Variants in RNF19B observed in about 807,000 individuals in gnomAD.
The protein encoded by RNF19B is ring finger protein 19B, also known as E3 ubiquitin-protein ligase RNF19B.
Under a neutral mutation model 65.5 loss-of-function variants are expected in RNF19B, and 23 were observed. The observed-to-expected ratio is 0.35, with a 90% CI of 0.25 to 0.50. RNF19B has a LOEUF of 0.50. Ranked by LOEUF, RNF19B falls within the 20% of genes least tolerant of loss-of-function variation. RNF19B has a pLI of 0.98. For synonymous variants in RNF19B, 372 were observed against 379.6 expected (o/e 0.98, Z 0.23); for missense variants, 794 against 980.0 (o/e 0.81, Z 2.53).
At chr1:32,937,299 T>A in intron 8 of RNF19B, 40 bp from the exon 9 acceptor site, 1 of 1,611,424 alleles carries the variant, frequency 6.2e-7, no homozygotes, top group Non-Finnish European at 8.5e-7. Context: ...CATGCATGGA[T>A]CATGCTAAAC....
At chr1:32,937,892 C>G (rs1009105021) in intron 8 of RNF19B, among the ~76,000 whole-genome samples, 6 of 151,842 alleles carry the variant, frequency 4.0e-5, no homozygotes, top group Non-Finnish European at 7.4e-5. Context: ...CTAGCTTACT[C>G]AAAATAGAAA....
At chr1:32,932,165 C>T (rs375961908), downstream of RNF19B, among the ~76,000 whole-genome samples, 2 of 152,306 alleles carry the variant, frequency 1.3e-5, no homozygotes, top group African/African-American at 4.8e-5. Context: ...GGCCTCCAGG[C>T]GATTCCCAGA....
intron 1 of RNF19B, 140 bp from the exon 2 acceptor site, chr1:32,949,914 A>C (rs1221347102): frequency 1.6e-6 from 1 of 642,236 alleles, no homozygotes. Flanking sequence ...ATACACACAT[A>C]TACACACACA....
Position 32,964,431 on chromosome 1 carries a change from G to T in RNF19B, c.255C>A (p.Ala85=). ...PPPEALPAEP[A]AEAEAEAAAA... is the part of the protein sequence containing the mutation. The stretch of plus-strand genomic sequence containing the variant: ...CCGCGGCCTCCGCCTCGGCCTCGGC[G>T]GCCGGCTCGGCGGGCAGCGCCTCGG... The change falls in exon 1 of 9, where the codon GCC becomes GCA. Residue 85 remains alanine, a synonymous_variant. Coordinates refer to ENST00000235150, the MANE Select transcript of RNF19B (RefSeq NM_001300826.2). This position sits in a 1 kb window ranked among gnomAD's most constrained non-coding sequence, Gnocchi z 6.5. 1 of 1,167,342 alleles carries T rather than the reference G, an allele frequency of 8.6e-7. No homozygotes were observed. Among genetic ancestry groups the T allele is most frequent in the African/African-American group, 1.6e-5 (1 of 60,634 alleles). 72.3% of individuals were successfully genotyped at this position (1,167,342 alleles called of 1,614,324 possible).
chr1:32,938,356 A>T, intron 8 of RNF19B, 41 bp downstream of exon 8: 1 of 1,613,432 alleles, frequency 6.2e-7, no homozygotes. Context: ...GTACCCAACG[A>T]AAAAATGCAA....
At chr1:32,963,667 G>A (rs922181060) in intron 1 of RNF19B, among the ~76,000 whole-genome samples, 1 of 150,860 alleles carries the variant, frequency 6.6e-6, no homozygotes, top group Non-Finnish European at 1.5e-5. Context: ...GCAGTGAGCC[G>A]AGATCGCGCC....
At chr1:32,934,792 T>C (rs1469965718), downstream of RNF19B, among the ~76,000 whole-genome samples, 1 of 152,234 alleles carries the variant, frequency 6.6e-6, no homozygotes, top group Non-Finnish European at 1.5e-5. Context: ...ACGAGTCTTC[T>C]AATTTTCTTG....
intron 6 of RNF19B, among the ~76,000 whole-genome samples, chr1:32,942,986 A>G (rs1367104377): frequency 1.3e-5 from 2 of 151,296 alleles, no homozygotes; most frequent in Non-Finnish European, 2.9e-5. Flanking sequence ...TAAAAATACA[A>G]AAAATTTAGC....
intron 3 of RNF19B, among the ~76,000 whole-genome samples, chr1:32,947,973 T>C (rs150712015): frequency 9.9e-5 from 15 of 152,034 alleles, no homozygotes; most frequent in Admixed American, 3.3e-4. Flanking sequence ...GGAAAGAACA[T>C]GAACAAGTAT....
chr1:32,963,489 G>A (rs553218814), intron 1 of RNF19B, among the ~76,000 whole-genome samples: 111 of 152,278 alleles, frequency 7.3e-4, no homozygotes, highest in African/African-American at 2.6e-3. Flanking sequence ...GCCGAGGCAG[G>A]AGGATCACCT....
At chr1:32,941,804 T>TAA (rs942505210) in intron 7 of RNF19B, among the ~76,000 whole-genome samples, 2 of 141,800 alleles carry the variant, frequency 1.4e-5, no homozygotes, top group African/African-American at 5.2e-5. Context: ...TTTGTAAAAG[T>TAA]AAAAAAAAAA....
In RNF19B at chr1:32,936,966, A is replaced by C. The variant is rs746665097; in HGVS notation, c.2036T>G (p.Ile679Ser). Residue 679 changes from isoleucine to serine, a missense_variant, in exon 9 of 9, where the codon ATC becomes AGC. By Grantham distance (142) the Ile-to-Ser change is moderately radical. Transcript: ENST00000235150. ...SDAQSDDVPD[I>S]TSDECGSPRS... ...GGGGGAGCCACACTCATCTGAGGTG[A>C]TGTCTGGCACATCGTCTGACTGTGC... 6.2e-7 allele frequency: 1 copy of C among 1,614,008 alleles called. No individual in the cohort carries two copies. Among genetic ancestry groups the C allele is most frequent in the South Asian group, 1.1e-5 (1 of 91,066 alleles).
chr1:32,948,025 C>T (rs1642408163), intron 3 of RNF19B, among the ~76,000 whole-genome samples, 197 bp downstream of exon 3: 3 of 152,078 alleles, frequency 2.0e-5, no homozygotes, highest in Admixed American at 1.3e-4. Context: ...TCCAGACTAC[C>T]TGTAATATGG....
chr1:32,957,170 T>A lies in RNF19B; in HGVS notation c.635+6881A>T, dbSNP rs574357443. On this transcript the variant is annotated intron_variant, in intron 1 of 8. Transcript: ENST00000235150. ...CCTGAATCCAGTCCACGTTTTCAGG[T>A]TGATCTCTAGTCATTTCCCAGGTAT... Among the ~76,000 whole-genome samples the A allele has an allele frequency of 8.3e-4, 127 of 152,328 alleles. 1 individual carries two copies. The highest frequency in any genetic ancestry group is 2.7e-3 in the African/African-American group (114 of 41,570).
At chr1:32,959,919 T>C (rs1360417679) in intron 1 of RNF19B, among the ~76,000 whole-genome samples, 4 of 148,640 alleles carry the variant, frequency 2.7e-5, no homozygotes, top group East Asian at 2.0e-4. Context: ...GGCGTGGTGG[T>C]GGGCGCCTGT....
intron 1 of RNF19B, among the ~76,000 whole-genome samples, chr1:32,957,576 G>A (rs1420289149): frequency 6.6e-6 from 1 of 152,168 alleles, no homozygotes; most frequent in African/African-American, 2.4e-5. Context: ...GCTCACACCT[G>A]TAATCCCAGC....
In RNF19B at chr1:32,964,558, G is replaced by A; in HGVS notation, c.128C>T (p.Ala43Val). Residue 43 changes from alanine to valine, a missense_variant, in exon 1 of 9, where the codon GCC becomes GTC. Ala to Val is a moderately conservative substitution (Grantham distance 64). Transcript: ENST00000235150. The surrounding 1 kb of genome is among the most constrained non-coding windows in gnomAD (Gnocchi z 6.5). The part of the protein sequence containing the change: ...LTLHSVFSAS[A>V]RGRRARAKPQ... ...CTTGGCCCGGGCGCGGCGGCCGCGG[G>A]CCGAGGCAGAGAAGACGCTGTGCAA... The A allele has an allele frequency of 1.5e-6, 2 of 1,335,062 alleles. No individual in the cohort carries two copies. The highest frequency in any genetic ancestry group is 1.9e-6 in the Non-Finnish European group (2 of 1,035,978). 82.7% of individuals were successfully genotyped at this position (1,335,062 alleles called of 1,614,324 possible).
chr1:32,946,359 C>A (rs760892264), intron 4 of RNF19B, 43 bp downstream of exon 4: 3 of 1,588,364 alleles, frequency 1.9e-6, no homozygotes, highest in East Asian at 2.2e-5. Flanking sequence ...TACTAACGAA[C>A]CTAAAGTTGA....
At chr1:32,962,940 G>A (rs1384280557) in intron 1 of RNF19B, among the ~76,000 whole-genome samples, 2 of 152,164 alleles carry the variant, frequency 1.3e-5, no homozygotes, top group Non-Finnish European at 2.9e-5. Flanking sequence ...GCTTCAGATA[G>A]CAAAATCTGG....
Sources: allele counts gnomAD v4.1 joint callset (sites outside exome capture counted in the v4.1 genomes callset), GRCh38; gene constraint gnomAD v4.1.1; non-coding constraint Gnocchi (gnomAD v3.1); transcripts MANE v1.5; gene names NCBI Gene and HGNC (gene_info 2026-07-23, HGNC 2026-07-21).